The following LRMDA variants were observed in gnomAD, a reference collection of about 807,000 sequenced individuals.
LRMDA encodes the protein leucine-rich melanocyte differentiation-associated protein.
Under a neutral mutation model 29.8 loss-of-function variants are expected in LRMDA, and 18 were observed. That is an observed-to-expected ratio of 0.60 (90% CI 0.42 to 0.90). The LOEUF (loss-of-function observed/expected upper bound fraction) is 0.90, where lower values mean the gene tolerates loss of function less well. Ranked by LOEUF, LRMDA falls within the 40% of genes least tolerant of loss-of-function variation. LRMDA has a pLI of 0.00. For synonymous variants in LRMDA, 125 were observed against 109.4 expected (o/e 1.14, Z -0.89); for missense variants, 273 against 273.9 (o/e 1.00, Z 0.02).
At chr10:76,193,609 A>G (rs986392919) in intron 5 of LRMDA, among the ~76,000 whole-genome samples, 1 of 152,184 alleles carries the variant, frequency 6.6e-6, no homozygotes, top group East Asian at 1.9e-4. Flanking sequence ...GCTAAGATGA[A>G]TGTGCCCTTA....
chr10:75,481,667 C>T (rs747962071), intron 2 of LRMDA, among the ~76,000 whole-genome samples: 2 of 152,140 alleles, frequency 1.3e-5, no homozygotes, highest in Non-Finnish European at 2.9e-5. Flanking sequence ...TCTGATTATG[C>T]GATTTTCTTG....
intron 2 of LRMDA, among the ~76,000 whole-genome samples, chr10:75,993,229 A>G (rs544440554): frequency 5.3e-5 from 8 of 152,256 alleles, no homozygotes; most frequent in Non-Finnish European, 7.4e-5. Flanking sequence ...TTTCTGTCCT[A>G]GGAAAGGGGT....
chr10:75,636,808 T>G (rs4598619), intron 2 of LRMDA, among the ~76,000 whole-genome samples: 20,538 of 152,020 alleles, frequency 0.14, 1,754 homozygotes, highest in East Asian at 0.31. Flanking sequence ...GGCCGGGAGA[T>G]CTCTCCTTTT....
At chr10:75,946,090 G>C (rs1181395120) in intron 2 of LRMDA, among the ~76,000 whole-genome samples, 2 of 152,188 alleles carry the variant, frequency 1.3e-5, no homozygotes, top group African/African-American at 4.8e-5. Flanking sequence ...GCAAAGAGTG[G>C]GAAAGCAGTA....
In LRMDA at chr10:75,700,201, A is replaced by T. The variant is rs140296296; in HGVS notation, c.131+261707A>T. 1.5e-3 allele frequency among the ~76,000 whole-genome samples: 227 copies of T among 151,974 alleles called. 2 individuals carry two copies. Among genetic ancestry groups the T allele is most frequent in the African/African-American group, 5.3e-3 (221 of 41,470 alleles). On this transcript the variant is annotated intron_variant, in intron 2 of 6. Coordinates refer to ENST00000611255, the MANE Select transcript of LRMDA (RefSeq NM_001305581.2). ...ATACCTAAGTGACTTTTGAGCTATG[A>T]TTCATTTATTAAAGTCAAGTTTTAA...
intron 2 of LRMDA, among the ~76,000 whole-genome samples, chr10:75,794,934 A>G (rs1015318495): frequency 1.5e-5 from 2 of 133,372 alleles, no homozygotes; most frequent in Non-Finnish European, 3.3e-5. Flanking sequence ...TTTGATAAAT[A>G]CCTATTTATC....
intron 2 of LRMDA, among the ~76,000 whole-genome samples, chr10:75,622,596 T>G (rs1464769967): frequency 6.6e-6 from 1 of 152,202 alleles, no homozygotes. Context: ...AATAAAGATA[T>G]ATAGTGCTGG....
intron 2 of LRMDA, among the ~76,000 whole-genome samples, chr10:76,033,983 G>GA (rs199951475): frequency 0.024 from 3,560 of 146,584 alleles, 55 homozygotes; most frequent in African/African-American, 0.05. Flanking sequence ...GGAAGGAAAA[G>GA]AAAAAAAAAA....
chr10:76,520,663 T>G (rs1016014674), intron 6 of LRMDA, among the ~76,000 whole-genome samples: 8 of 152,198 alleles, frequency 5.3e-5, no homozygotes, highest in Admixed American at 2.0e-4. Context: ...AATTATCTAG[T>G]GTCATTTATC....
At chr10:75,505,150 A>G (rs1845156784) in intron 2 of LRMDA, among the ~76,000 whole-genome samples, 2 of 152,318 alleles carry the variant, frequency 1.3e-5, no homozygotes, top group African/African-American at 4.8e-5. Context: ...TTGGCTGTTA[A>G]AACAGGACTC....
intron 5 of LRMDA, among the ~76,000 whole-genome samples, chr10:76,189,275 T>C (rs1052392756): frequency 6.6e-6 from 1 of 152,138 alleles, no homozygotes; most frequent in African/African-American, 2.4e-5. Flanking sequence ...GAGAATCGCT[T>C]TGACGCTGGA....
intron 2 of LRMDA, among the ~76,000 whole-genome samples, chr10:75,971,955 A>G (rs537525880): frequency 6.6e-6 from 1 of 152,318 alleles, no homozygotes; most frequent in Non-Finnish European, 1.5e-5. Context: ...TGTTTTTAAG[A>G]AAACCCTCCA....
At chr10:76,269,805 T>C (rs536703588) in intron 5 of LRMDA, among the ~76,000 whole-genome samples, 31 of 152,326 alleles carry the variant, frequency 2.0e-4, no homozygotes, top group Admixed American at 1.6e-3. Flanking sequence ...AACCTGCTTA[T>C]AAAGGTGGAA....
chr10:75,872,640 T>G (rs1388724456), intron 2 of LRMDA, among the ~76,000 whole-genome samples: 1 of 152,188 alleles, frequency 6.6e-6, no homozygotes, highest in East Asian at 1.9e-4. Flanking sequence ...ACATGTTACA[T>G]GTTTTCTCGT....
chr10:76,507,280 T>TA (rs530931979), intron 6 of LRMDA, among the ~76,000 whole-genome samples: 50 of 150,950 alleles, frequency 3.3e-4, no homozygotes, highest in African/African-American at 8.5e-4. Flanking sequence ...TTTTGCCCAT[T>TA]AAAAAAAAAT....
chr10:76,199,764 G>C (rs1053134414), intron 5 of LRMDA, among the ~76,000 whole-genome samples: 1 of 152,090 alleles, frequency 6.6e-6, no homozygotes, highest in African/African-American at 2.4e-5. Flanking sequence ...TTTTAATCCA[G>C]GATCTTGGCA....
At chr10:76,255,846 T>C (rs541271516) in intron 5 of LRMDA, among the ~76,000 whole-genome samples, 1 of 152,270 alleles carries the variant, frequency 6.6e-6, no homozygotes, top group African/African-American at 2.4e-5. Context: ...GAGAATAAAA[T>C]ATGTTTCAGT....
chr10:76,365,378 G>T (rs1841380825), intron 6 of LRMDA, among the ~76,000 whole-genome samples: 1 of 151,956 alleles, frequency 6.6e-6, no homozygotes, highest in African/African-American at 2.4e-5. Flanking sequence ...GTGTAGAAGT[G>T]TTCCCTGTTC....
chr10:76,300,849 C>T (rs1840471921), intron 5 of LRMDA, among the ~76,000 whole-genome samples: 1 of 152,142 alleles, frequency 6.6e-6, no homozygotes, highest in African/African-American at 2.4e-5. Context: ...CTTGGTTTCC[C>T]CAAGAATACC....
Sources: gnomAD v4.1 joint callset for allele counts (sites outside exome capture counted in the v4.1 genomes callset) on GRCh38, gnomAD v4.1.1 for gene constraint, MANE v1.5 for transcripts, NCBI Gene and HGNC (gene_info 2026-07-23, HGNC 2026-07-21) for gene names.